The following CHSY3 variants were observed in gnomAD, a reference collection of about 807,000 sequenced individuals.
The protein encoded by CHSY3 is chondroitin sulfate synthase 3.
CHSY3 carries 35 observed loss-of-function variants against 67.2 expected under a neutral mutation model. The ratio of observed to expected loss-of-function variants is 0.52; its 90% CI spans 0.40 to 0.69. The LOEUF (loss-of-function observed/expected upper bound fraction) is 0.69. CHSY3 is among the 30% of genes least tolerant of loss of function. The probability of loss-of-function intolerance (pLI) is 0.00; values close to 1 mark genes in which losing one functional copy is unlikely to be tolerated. For synonymous variants in CHSY3, 474 were observed against 434.7 expected (o/e 1.09, Z -1.12); for missense variants, 1,069 against 1,138.5 (o/e 0.94, Z 0.88).
intron 2 of CHSY3, among the ~76,000 whole-genome samples, chr5:129,938,564 A>G (rs938124927): frequency 9.9e-5 from 15 of 152,200 alleles, no homozygotes; most frequent in Non-Finnish European, 1.9e-4. Context: ...GCCAGGCCAC[A>G]TCGTGAACAC....
chr5:130,066,715 T>C (rs567457891), intron 2 of CHSY3, among the ~76,000 whole-genome samples: 2 of 152,236 alleles, frequency 1.3e-5, no homozygotes, highest in Non-Finnish European at 2.9e-5. Flanking sequence ...ATGTAACTTT[T>C]CCATGGAGAA....
At chr5:130,125,855 T>C (rs1028548143) in intron 2 of CHSY3, among the ~76,000 whole-genome samples, 6 of 152,206 alleles carry the variant, frequency 3.9e-5, no homozygotes, top group Non-Finnish European at 5.9e-5. Context: ...TGACTCCATC[T>C]CTTATGATTG....
intron 2 of CHSY3, among the ~76,000 whole-genome samples, chr5:130,167,262 G>T (rs1198102679): frequency 6.6e-6 from 1 of 152,112 alleles, no homozygotes; most frequent in African/African-American, 2.4e-5. Flanking sequence ...TGGCTGGTAT[G>T]ATCAGGCCTT....
intron 2 of CHSY3, among the ~76,000 whole-genome samples, chr5:130,165,907 A>G (rs1769734102): frequency 6.6e-6 from 1 of 152,132 alleles, no homozygotes; most frequent in Admixed American, 6.6e-5. Flanking sequence ...CATACAATAT[A>G]TAAAGAATTG....
chr5:130,131,421 C>A (rs1487340586), intron 2 of CHSY3, among the ~76,000 whole-genome samples: 1 of 152,150 alleles, frequency 6.6e-6, no homozygotes, highest in African/African-American at 2.4e-5. Context: ...TCAGATCATA[C>A]CACTCGTCTG....
Position 130,018,810 on chromosome 5 carries a change from A to G in CHSY3, c.1086+110450A>G, listed in dbSNP as rs1764283749. Among the ~76,000 whole-genome samples the G allele has an allele frequency of 2.6e-5, 4 of 152,244 alleles. No homozygotes were observed. The South Asian group carries it at 8.3e-4, about 32-fold the overall frequency. On this transcript the variant is annotated intron_variant, in intron 2 of 2. Coordinates refer to ENST00000305031, the MANE Select transcript of CHSY3 (RefSeq NM_175856.5). ...GGGTGATGGGGGCAGACCCCTCATG[A>G]ATGGCTCAGTGCCCTTCTAGGTCAG... is the stretch of plus-strand genomic sequence containing the variant.
rs959475642 is a variant in CHSY3 at position 130,184,266 on chromosome 5, G to A, written c.1124G>A (p.Arg375Gln). 82 of 1,588,834 alleles carry A rather than the reference G, an allele frequency of 5.2e-5. No homozygotes were observed. Among genetic ancestry groups the A allele is most frequent in the Non-Finnish European group, 6.7e-5 (78 of 1,167,252 alleles). The change falls in exon 3 of 3, where the codon CGG (arginine) becomes CAG (glutamine). Residue 375 changes from arginine (R) to glutamine (Q), a missense_variant. By Grantham distance (43) the Arg-to-Gln change is conservative. This residue lies in a region of CHSY3 where 216 missense variants were observed against 311.5 expected (regional missense o/e 0.69). Transcript: ENST00000305031. ...TTCCATGAAAATTATGAACACAATCGGAAGGGTTACATCCAAGACCTTCAC... is the reference window on the plus strand; with the variant it reads ...TTCCATGAAAATTATGAACACAATCAGAAGGGTTACATCCAAGACCTTCAC... ...QLFHENYEHN[R>Q]KGYIQDLHNS... is the part of the protein sequence containing the mutation.
Position 130,086,477 on chromosome 5 carries a change from A to T in CHSY3, c.1087-97752A>T, listed in dbSNP as rs572180038. Reference sequence around the variant, plus strand: ...CCATTTGCTTGGTAGATCTTCCTCCATCGTTTTATTTTGAGCCTATGTGTG... The same window carrying T: ...CCATTTGCTTGGTAGATCTTCCTCCTTCGTTTTATTTTGAGCCTATGTGTG... On this transcript the variant is annotated intron_variant, in intron 2 of 2. Transcript: ENST00000305031. 8.5e-5 allele frequency among the ~76,000 whole-genome samples: 13 copies of T among 152,068 alleles called. No homozygotes were observed. The East Asian group carries it at 2.5e-3, about 29-fold the overall frequency.
chr5:130,063,529 T>C lies in CHSY3; in HGVS notation c.1087-120700T>C, dbSNP rs568798767. The stretch of plus-strand genomic sequence containing the variant: ...TCTTCATTCCTCTTGAGAACCTTTC[T>C]TCGTTATTGTTGTCATTAAATAATT... On this transcript the variant is annotated intron_variant, in intron 2 of 2. Coordinates refer to ENST00000305031, the MANE Select transcript of CHSY3 (RefSeq NM_175856.5). 3.3e-5 allele frequency among the ~76,000 whole-genome samples: 5 copies of C among 152,306 alleles called. No homozygotes were observed. In the East Asian group the frequency reaches 9.6e-4, roughly 29 times the overall value.
At chr5:130,061,393 C>CA (rs530799266) in intron 2 of CHSY3, among the ~76,000 whole-genome samples, 217 of 152,168 alleles carry the variant, frequency 1.4e-3, no homozygotes, top group African/African-American at 4.8e-3. Flanking sequence ...TTCGCATATA[C>CA]AAAAATTAAC....
At chr5:130,038,877 A>G (rs1453018066) in intron 2 of CHSY3, among the ~76,000 whole-genome samples, 1 of 152,124 alleles carries the variant, frequency 6.6e-6, no homozygotes, top group African/African-American at 2.4e-5. Flanking sequence ...TTACTAGATT[A>G]TCTTTACTGG....
At chr5:130,076,831 G>A (rs534509379) in intron 2 of CHSY3, among the ~76,000 whole-genome samples, 1 of 151,506 alleles carries the variant, frequency 6.6e-6, no homozygotes, top group Admixed American at 6.6e-5. Context: ...ATCATTCTCA[G>A]TAAACTATCG....
chr5:129,918,897 GGA>G (rs975927922), intron 2 of CHSY3, among the ~76,000 whole-genome samples: 1 of 148,490 alleles, frequency 6.7e-6, no homozygotes, highest in Non-Finnish European at 1.5e-5. Flanking sequence ...CATGAGGTCA[GGA>G]GATCGAGACC....
intron 2 of CHSY3, among the ~76,000 whole-genome samples, chr5:130,000,122 G>A (rs993714179): frequency 6.6e-6 from 1 of 152,174 alleles, no homozygotes. Flanking sequence ...CTTCTTAGAT[G>A]AATAGACAGT....
intron 2 of CHSY3, among the ~76,000 whole-genome samples, chr5:130,128,545 C>T (rs1768373134): frequency 6.6e-6 from 1 of 152,016 alleles, no homozygotes; most frequent in Non-Finnish European, 1.5e-5. Flanking sequence ...GCTGGTCAAA[C>T]AACATAAACT....
chr5:130,044,114 G>A (rs556610571), intron 2 of CHSY3, among the ~76,000 whole-genome samples: 17 of 152,224 alleles, frequency 1.1e-4, no homozygotes, highest in Non-Finnish European at 2.5e-4. Flanking sequence ...GGCCCAGGGT[G>A]AGATAAGTTT....
At chr5:129,976,545 T>A (rs1340535130) in intron 2 of CHSY3, among the ~76,000 whole-genome samples, 1 of 152,186 alleles carries the variant, frequency 6.6e-6, no homozygotes, top group African/African-American at 2.4e-5. Context: ...AGGGAATGAC[T>A]GAATGAAGGA....
chr5:130,028,385 C>A (rs142155709), intron 2 of CHSY3, among the ~76,000 whole-genome samples: 2,312 of 152,040 alleles, frequency 0.015, 58 homozygotes, highest in African/African-American at 0.052. Flanking sequence ...CTTTAACAAA[C>A]CTGACAAAAA....
At chr5:130,076,299 T>G (rs2149684269) in intron 2 of CHSY3, among the ~76,000 whole-genome samples, 1 of 151,764 alleles carries the variant, frequency 6.6e-6, no homozygotes, top group East Asian at 1.9e-4. Flanking sequence ...TAAAACTGAA[T>G]CTTTTTTCTT....
Sources: gnomAD v4.1 joint callset for allele counts (sites outside exome capture counted in the v4.1 genomes callset) on GRCh38, gnomAD v4.1.1 for gene constraint, gnomAD v4.1.1 regional missense constraint, MANE v1.5 for transcripts, NCBI Gene and HGNC (gene_info 2026-07-23, HGNC 2026-07-21) for gene names.